MTMR7: variants seen among roughly 807,000 people sequenced by gnomAD.
MTMR7 encodes the protein myotubularin related protein 7.
MTMR7 carries 76 observed loss-of-function variants against 81.2 expected under a neutral mutation model. The ratio of observed to expected loss-of-function variants is 0.94; its 90% CI spans 0.78 to 1.13. The LOEUF (loss-of-function observed/expected upper bound fraction) is 1.13, where lower values mean the gene tolerates loss of function less well. MTMR7 is among the 50% of genes most tolerant of loss of function. MTMR7 has a pLI of 0.00. For missense variants in MTMR7, 1,044 were observed against 820.0 expected (o/e 1.27, Z -3.34); for synonymous variants, 372 against 289.8 (o/e 1.28, Z -2.88).
intron 8 of MTMR7, 138 bp downstream of exon 8, chr8:17,313,154 T>C (rs998710334): frequency 1.8e-6 from 1 of 552,462 alleles, no homozygotes; most frequent in Non-Finnish European, 3.2e-6. Flanking sequence ...GCGCACAGAC[T>C]ACGGAGCTCT....
intron 7 of MTMR7, among the ~76,000 whole-genome samples, chr8:17,313,914 A>G (rs1039214292): frequency 6.6e-6 from 1 of 152,202 alleles, no homozygotes; most frequent in South Asian, 2.1e-4. Context: ...CCTCTTGCCA[A>G]TAACCCCCAC....
chr8:17,360,897 T>C (rs951083096), intron 4 of MTMR7, among the ~76,000 whole-genome samples: 4 of 152,110 alleles, frequency 2.6e-5, no homozygotes, highest in African/African-American at 9.7e-5. Flanking sequence ...AACCGTGAGA[T>C]GAAGGGTCTG....
intron 1 of MTMR7, among the ~76,000 whole-genome samples, chr8:17,395,580 T>C (rs888566613): frequency 6.6e-6 from 1 of 152,192 alleles, no homozygotes; most frequent in Non-Finnish European, 1.5e-5. Context: ...TTGCCAACAC[T>C]TGTTGTTTTC....
intron 10 of MTMR7, among the ~76,000 whole-genome samples, chr8:17,307,366 C>T (rs1817520907): frequency 6.6e-6 from 1 of 152,116 alleles, no homozygotes; most frequent in Admixed American, 6.5e-5. Flanking sequence ...GAATGGCGAT[C>T]ATTAAAAAGT....
chr8:17,341,325 T>G lies in MTMR7; in HGVS notation c.732+38A>C. 1.9e-6 allele frequency: 3 copies of G among 1,610,140 alleles called. No homozygotes were observed. In the South Asian group the frequency reaches 3.3e-5, roughly 18 times the overall value. ...CTTTGCCTGTCTCCAGTTTCACAAC[T>G]CAGGTGCAAAGACATGCATCGCAAC... On this transcript the variant is annotated intron_variant, in intron 6 of 13. Coordinates refer to ENST00000180173, the MANE Select transcript of MTMR7 (RefSeq NM_004686.5).
intron 5 of MTMR7, 98 bp downstream of exon 5, chr8:17,348,855 A>G: frequency 7.1e-7 from 1 of 1,416,842 alleles, no homozygotes; most frequent in Non-Finnish European, 9.9e-7. Flanking sequence ...GAAGAATTCA[A>G]ACACACACAC....
intron 4 of MTMR7, among the ~76,000 whole-genome samples, chr8:17,359,416 G>A (rs11992401): frequency 0.24 from 36,346 of 151,516 alleles, 6,480 homozygotes; most frequent in African/African-American, 0.5. Context: ...TGAGCAACAT[G>A]GGGAGAACTT....
At chr8:17,380,157 G>A (rs910150540) in intron 1 of MTMR7, among the ~76,000 whole-genome samples, 1 of 152,074 alleles carries the variant, frequency 6.6e-6, no homozygotes, top group Non-Finnish European at 1.5e-5. Context: ...GGAAAGCTTT[G>A]GACTTCTGAA....
intron 11 of MTMR7, 80 bp from the exon 12 acceptor site, chr8:17,304,599 G>T (rs1563315208): frequency 2.1e-6 from 3 of 1,456,792 alleles, no homozygotes; most frequent in East Asian, 4.6e-5. Flanking sequence ...ATGCTGGAAA[G>T]GAACTAATAA....
At chr8:17,329,944 T>C (rs1193572289) in intron 7 of MTMR7, among the ~76,000 whole-genome samples, 1 of 152,156 alleles carries the variant, frequency 6.6e-6, no homozygotes, top group Non-Finnish European at 1.5e-5. Flanking sequence ...TGTTTTCAGA[T>C]GTAGGAAGGG....
chr8:17,385,882 A>C (rs1263637548), intron 1 of MTMR7, among the ~76,000 whole-genome samples: 1 of 152,190 alleles, frequency 6.6e-6, no homozygotes, highest in Non-Finnish European at 1.5e-5. Flanking sequence ...TTTTCTTCAT[A>C]AATTACCCGG....
intron 1 of MTMR7, among the ~76,000 whole-genome samples, chr8:17,404,669 C>G (rs1821525622): frequency 6.6e-6 from 1 of 152,066 alleles, no homozygotes; most frequent in South Asian, 2.1e-4. Context: ...AACATACAAA[C>G]AGCATCAAAA....
chr8:17,299,653 T>C lies in MTMR7; in HGVS notation c.*209A>G. ...GGGTGAGCTTCAAAATGGTGAATAA[T>C]TTTCCTTATATTTGATAAATGAAAT... On this transcript the variant is annotated 3_prime_UTR_variant, in exon 14 of 14. Coordinates refer to ENST00000180173, the MANE Select transcript of MTMR7 (RefSeq NM_004686.5). 1 of 625,144 alleles carries C rather than the reference T, an allele frequency of 1.6e-6. No homozygotes were observed. The allele number at this position is 625,144 out of a possible 1,614,324, so 38.7% of individuals were successfully genotyped here. A position where few individuals can be genotyped will look rare whatever the true frequency, so the allele number is the denominator to read the frequency against.
At chr8:17,300,271 T>A in intron 13 of MTMR7, 47 bp from the exon 14 acceptor site, 1 of 1,548,634 alleles carries the variant, frequency 6.5e-7, no homozygotes. Flanking sequence ...AAATAACTTA[T>A]CTTTTTCTAT....
chr8:17,332,841 C>T (rs763340985), intron 6 of MTMR7, among the ~76,000 whole-genome samples: 16 of 151,946 alleles, frequency 1.1e-4, no homozygotes, highest in South Asian at 2.1e-4. Context: ...TAAGTTTTTG[C>T]GTGTTTATCA....
intron 11 of MTMR7, 87 bp from the exon 12 acceptor site, chr8:17,304,606 A>G: frequency 7.0e-7 from 1 of 1,427,286 alleles, no homozygotes; most frequent in Non-Finnish European, 9.7e-7. Flanking sequence ...AAAGGAACTA[A>G]TAATTGTTAC....
intron 4 of MTMR7, among the ~76,000 whole-genome samples, chr8:17,350,848 G>C (rs936006195): frequency 6.6e-6 from 1 of 152,246 alleles, no homozygotes; most frequent in Admixed American, 6.5e-5. Flanking sequence ...CTAATTTCAG[G>C]GTTCTACCAG....
chr8:17,404,556 TAAAC>T (rs71543688), intron 1 of MTMR7, among the ~76,000 whole-genome samples: 65,856 of 151,650 alleles, frequency 0.43, 15,215 homozygotes, highest in Admixed American at 0.59. Context: ...ATCTCAACAG[TAAAC>T]AAACATAAAT....
At chr8:17,364,312 C>G (rs191191763) in intron 3 of MTMR7, among the ~76,000 whole-genome samples, 1 of 152,132 alleles carries the variant, frequency 6.6e-6, no homozygotes, top group Non-Finnish European at 1.5e-5. Flanking sequence ...GGATCACAGG[C>G]GTGAGCCACC....
Sources: gnomAD v4.1 joint callset for allele counts (sites outside exome capture counted in the v4.1 genomes callset) on GRCh38, gnomAD v4.1.1 for gene constraint, MANE v1.5 for transcripts, NCBI Gene and HGNC (gene_info 2026-07-23, HGNC 2026-07-21) for gene names.